CDK5RAP1: variants seen among roughly 807,000 people sequenced by gnomAD.
The protein encoded by CDK5RAP1 is mitochondrial tRNA methylthiotransferase CDK5RAP1.
A neutral mutation model predicts 64.5 loss-of-function variants in CDK5RAP1; 62 were observed. That is an observed-to-expected ratio of 0.96 (90% CI 0.78 to 1.19). CDK5RAP1 has a LOEUF of 1.19. CDK5RAP1 is among the 50% of genes most tolerant of loss of function. CDK5RAP1 has a pLI of 0.00. For synonymous variants in CDK5RAP1, 250 were observed against 261.9 expected, an observed-to-expected ratio of 0.95 and a Z score of 0.44; for missense variants, 657 against 735.0, an observed-to-expected ratio of 0.89 and a Z score of 1.23.
chr20:33,386,154 C>G (rs1369000583), intron 6 of CDK5RAP1, among the ~76,000 whole-genome samples: 1 of 152,176 alleles, frequency 6.6e-6, no homozygotes, highest in Admixed American at 6.5e-5. Context: ...ACCTCCACCT[C>G]CCAGGTTCAA....
intron 11 of CDK5RAP1, among the ~76,000 whole-genome samples, chr20:33,369,311 G>C (rs1275649691): frequency 6.6e-6 from 1 of 151,422 alleles, no homozygotes; most frequent in South Asian, 2.1e-4. Context: ...GTGAAACCCC[G>C]TCTCTACTAA....
intron 1 of CDK5RAP1, among the ~76,000 whole-genome samples, chr20:33,400,182 C>T (rs919535619): frequency 2.0e-5 from 3 of 152,274 alleles, no homozygotes; most frequent in African/African-American, 7.2e-5. Flanking sequence ...GCCAGCTTTG[C>T]TGCTCACCTC....
At chr20:33,388,322 A>G (rs1987725904) in intron 5 of CDK5RAP1, among the ~76,000 whole-genome samples, 1 of 152,144 alleles carries the variant, frequency 6.6e-6, no homozygotes, top group South Asian at 2.1e-4. Flanking sequence ...AAGTTATAAT[A>G]TCTTAAAGTC....
chr20:33,397,628 T>C (rs888401192), intron 1 of CDK5RAP1, among the ~76,000 whole-genome samples: 22 of 152,180 alleles, frequency 1.4e-4, no homozygotes, highest in African/African-American at 5.1e-4. Flanking sequence ...GCATCTTCCT[T>C]TGAGTTCCTT....
chr20:33,385,710 GC>G lies in CDK5RAP1; in HGVS notation c.815del (p.Gly272AlafsTer12). On this transcript the variant is annotated frameshift_variant, in exon 7 of 14. Coordinates refer to ENST00000346416, the MANE Select transcript of CDK5RAP1 (RefSeq NM_016408.4). LOFTEE classifies it high-confidence loss of function. The part of the protein sequence containing the change: ...CSYCIVPFTR[G>X]RERSRPIASI... ...AGGCAATAGGCCGACTCCTCTCCCT[GC>G]CCCGGGTGAAAGGAACAATGCAGTA... The G allele has an allele frequency of 6.2e-7, 1 of 1,613,880 alleles. No individual in the cohort carries two copies. Among genetic ancestry groups the G allele is most frequent in the East Asian group, 2.2e-5 (1 of 44,880 alleles).
At chr20:33,378,046 T>G (rs1986238377) in intron 8 of CDK5RAP1, among the ~76,000 whole-genome samples, 1 of 152,252 alleles carries the variant, frequency 6.6e-6, no homozygotes, top group Non-Finnish European at 1.5e-5. Flanking sequence ...CATGAACTTT[T>G]CCTTTGCATT....
intron 7 of CDK5RAP1, among the ~76,000 whole-genome samples, chr20:33,383,699 C>T (rs995344656): frequency 6.7e-6 from 1 of 149,770 alleles, no homozygotes; most frequent in Non-Finnish European, 1.5e-5. Flanking sequence ...CGAGATCACA[C>T]CATTGCACTC....
At chr20:33,386,591 T>A (rs1209894243) in intron 6 of CDK5RAP1, among the ~76,000 whole-genome samples, 7 of 152,270 alleles carry the variant, frequency 4.6e-5, no homozygotes, top group South Asian at 2.1e-4. Context: ...GTTAAATCGC[T>A]CTCTTTAATT....
intron 13 of CDK5RAP1, 42 bp from the exon 14 acceptor site, chr20:33,359,165 T>C (rs755352725): frequency 6.4e-6 from 9 of 1,412,050 alleles, no homozygotes; most frequent in Non-Finnish European, 9.0e-6. Flanking sequence ...TAACTAGGAC[T>C]GTAGCACTGG....
At chr20:33,388,750 G>C (rs955119116) in intron 5 of CDK5RAP1, among the ~76,000 whole-genome samples, 20 of 151,924 alleles carry the variant, frequency 1.3e-4, no homozygotes, top group East Asian at 1.9e-4. Context: ...TCAACCTGCC[G>C]AGTGCCTGCG....
intron 8 of CDK5RAP1, among the ~76,000 whole-genome samples, chr20:33,376,288 C>T (rs974050195): frequency 6.6e-6 from 1 of 151,868 alleles, no homozygotes; most frequent in Admixed American, 6.6e-5. Context: ...CGCACCACCG[C>T]ACTCCAGCCT....
intron 12 of CDK5RAP1, among the ~76,000 whole-genome samples, chr20:33,361,063 A>G (rs1982824150): frequency 6.6e-6 from 1 of 152,368 alleles, no homozygotes; most frequent in African/African-American, 2.4e-5. Context: ...AGCCTTATAA[A>G]TAATAACCAG....
chr20:33,365,165 G>A (rs1221788764), intron 12 of CDK5RAP1, among the ~76,000 whole-genome samples: 1 of 152,194 alleles, frequency 6.6e-6, no homozygotes, highest in Non-Finnish European at 1.5e-5. Flanking sequence ...CAAAGTGCTA[G>A]GATCACAGGC....
chr20:33,368,881 A>G lies in CDK5RAP1; in HGVS notation c.1392+1618T>C, dbSNP rs566721341. On this transcript the variant is annotated intron_variant, in intron 11 of 13. Transcript: ENST00000346416. The stretch of plus-strand genomic sequence containing the variant: ...AGCGAGACTCCGTCTCAAAAAATAA[A>G]AAAAAAGAATTTCTCTTGGGAGGCT... Among the ~76,000 whole-genome samples, 6 of 151,966 alleles carry G rather than the reference A, an allele frequency of 3.9e-5. No individual in the cohort carries two copies. In the South Asian group the frequency reaches 1.2e-3, roughly 32 times the overall value.
At chr20:33,365,499 T>G (rs912778142) in intron 12 of CDK5RAP1, among the ~76,000 whole-genome samples, 1 of 148,806 alleles carries the variant, frequency 6.7e-6, no homozygotes, top group African/African-American at 2.5e-5. Context: ...CTCGAACTCC[T>G]GACCTCAAGT....
At chr20:33,389,384 G>A (rs1182885831) in intron 5 of CDK5RAP1, among the ~76,000 whole-genome samples, 6 of 138,856 alleles carry the variant, frequency 4.3e-5, no homozygotes, top group Non-Finnish European at 7.8e-5. Context: ...GCCCCTCCGC[G>A]CGGCAGCCGC....
At chr20:33,361,790 T>C (rs780762935) in intron 12 of CDK5RAP1, among the ~76,000 whole-genome samples, 2 of 151,950 alleles carry the variant, frequency 1.3e-5, no homozygotes, top group African/African-American at 2.4e-5. Flanking sequence ...ACCCCGTCTC[T>C]ACTGAAAACA....
rs1232526073 is a variant in CDK5RAP1, at chr20:33,387,983, G to A, written c.545-450C>T. On this transcript the variant is annotated intron_variant, in intron 5 of 13. Transcript: ENST00000346416. ...TGGGAGGCTGAGGGACAGGAGAATC[G>A]CTTGAACCCAGGAGGCAGAGGTTGC... is the stretch of plus-strand genomic sequence containing the variant. 4.0e-5 allele frequency among the ~76,000 whole-genome samples: 6 copies of A among 151,522 alleles called. 1 individual carries two copies. In the Middle Eastern group the frequency reaches 0.014, roughly 344 times the overall value.
intron 5 of CDK5RAP1, 101 bp from the exon 6 acceptor site, chr20:33,387,634 G>T: frequency 3.2e-6 from 3 of 930,736 alleles, no homozygotes; most frequent in African/African-American, 3.3e-5. Context: ...AGAGACCAGG[G>T]CACAGAAAAC....
Sources: gnomAD v4.1 joint callset for allele counts (sites outside exome capture counted in the v4.1 genomes callset) on GRCh38, gnomAD v4.1.1 for gene constraint, MANE v1.5 for transcripts, NCBI Gene and HGNC (gene_info 2026-07-23, HGNC 2026-07-21) for gene names.